The following BTBD17 variants were observed in gnomAD, a reference collection of about 807,000 sequenced individuals.
The protein encoded by BTBD17 is BTB/POZ domain-containing protein 17.
Under a neutral mutation model 36.9 loss-of-function variants are expected in BTBD17, and 26 were observed. The observed-to-expected ratio is 0.70, with a 90% confidence interval of 0.52 to 0.98. The LOEUF (loss-of-function observed/expected upper bound fraction) is 0.98. Among genes scored for constraint, BTBD17 ranks in the 50% least tolerant of loss-of-function variants. The pLI, the probability that BTBD17 is intolerant of heterozygous loss-of-function variation, is 0.00. For missense variants in BTBD17, 630 were observed against 691.3 expected (o/e 0.91, Z 0.99); for synonymous variants, 341 against 338.0 (o/e 1.01, Z -0.10).
intron 2 of BTBD17, among the ~76,000 whole-genome samples, chr17:74,359,567 T>G (rs1342618604): frequency 3.9e-5 from 6 of 152,192 alleles, no homozygotes; most frequent in Non-Finnish European, 7.3e-5. Context: ...TTCTATATTT[T>G]TAGTAGAGAC....
intron 2 of BTBD17, among the ~76,000 whole-genome samples, chr17:74,358,269 T>C (rs962379992): frequency 1.3e-5 from 2 of 152,006 alleles, no homozygotes; most frequent in East Asian, 1.9e-4. Context: ...GATGGGAGGA[T>C]TGCTTGAGGC....
At position 74,359,823 on chromosome 17, in the gene BTBD17, G is replaced by A. The variant is rs2054924188; in HGVS notation, c.362+146C>T. On this transcript the variant is annotated intron_variant, in intron 2 of 2. Coordinates refer to ENST00000375366, the MANE Select transcript of BTBD17 (RefSeq NM_001080466.2). ...ACAGGGAGCTGTACAGTGGAAGAAG[G>A]GATGCAGGGGTCACTGTCATCCCAG... The A allele has an allele frequency of 3.8e-5, 29 of 762,562 alleles. No individual in the cohort carries two copies. The South Asian group carries it at 5.1e-4, about 13-fold the overall frequency. The allele number at this position is 762,562 out of a possible 1,614,324, so 47.2% of individuals were successfully genotyped here.
At position 74,357,258 on chromosome 17, in the gene BTBD17, C is replaced by T; in HGVS notation, c.836G>A (p.Gly279Asp). ...QARSAALARH[G>D]PAVADLLLQA... is the part of the protein sequence containing the mutation. ...CAGCAGGAGGTCGGCCACCGCGGGG[C>T]CGTGGCGCGCCAGGGCTGCCGAGCG... The change falls in exon 3 of 3, where the codon GGC becomes GAC. Residue 279 changes from glycine (G) to aspartate (D), a missense_variant. Coordinates refer to ENST00000375366, the MANE Select transcript of BTBD17 (RefSeq NM_001080466.2). The surrounding 1 kb of genome is among the most constrained non-coding windows in gnomAD (Gnocchi z 8.4). The T allele has an allele frequency of 6.4e-7, 1 of 1,560,804 alleles. No individual in the cohort carries two copies. Among genetic ancestry groups the T allele is most frequent in the Non-Finnish European group, 8.6e-7 (1 of 1,157,398 alleles).
chr17:74,361,397 C>T (rs2054936790), intron 1 of BTBD17, among the ~76,000 whole-genome samples: 2 of 152,128 alleles, frequency 1.3e-5, no homozygotes, highest in Admixed American at 6.5e-5. Context: ...AGAGGGAGGC[C>T]GAGGGACAAA....
chr17:74,358,367 G>T (rs368025675), intron 2 of BTBD17, among the ~76,000 whole-genome samples: 2 of 152,140 alleles, frequency 1.3e-5, no homozygotes, highest in South Asian at 2.1e-4. Flanking sequence ...ATGTGTGGTG[G>T]TGCACGCTTG....
rs748192106 is a variant in BTBD17 at position 74,357,545 on chromosome 17, G to A, written c.549C>T (p.Ala183=). The change falls in exon 3 of 3, where the codon GCC becomes GCT. Residue 183 remains alanine (A), a synonymous_variant. Coordinates refer to ENST00000375366, the MANE Select transcript of BTBD17 (RefSeq NM_001080466.2). The surrounding 1 kb of genome is among the most constrained non-coding windows in gnomAD (Gnocchi z 8.4). Reference sequence around the variant, plus strand: ...GGAACTGCAGGCAGCTCTCGCGCAGGGCCTCGTCCCCGGTGCCCACCGCGT... The same window carrying A: ...GGAACTGCAGGCAGCTCTCGCGCAGAGCCTCGTCCCCGGTGCCCACCGCGT... ...YHYAVGTGDE[A]LRESCLQFLA... 4.5e-6 allele frequency: 7 copies of A among 1,555,270 alleles called. No homozygotes were observed. In the South Asian group the frequency reaches 8.2e-5, roughly 18 times the overall value.
intron 1 of BTBD17, 123 bp from the exon 2 acceptor site, chr17:74,360,368 AGGCG>A (rs1401455869): frequency 9.4e-7 from 1 of 1,067,986 alleles, no homozygotes; most frequent in African/African-American, 1.6e-5. Context: ...AGGTGGGCCT[AGGCG>A]GGTTGTATGT....
Position 74,360,043 on chromosome 17 carries a change from C to T in BTBD17, c.288G>A (p.Glu96=). ...LLGLHSELFL[E]LLSNQSEAVL... is the part of the protein sequence containing the mutation. ...CCGCCTCGCTCTGGTTACTTAGCAG[C>T]TCCAGGAACAGCTCACTGTGCAGTC... Residue 96 remains glutamate, a synonymous_variant, in exon 2 of 3, where the codon GAG becomes GAA. Coordinates refer to ENST00000375366, the MANE Select transcript of BTBD17 (RefSeq NM_001080466.2). 7 of 1,613,064 alleles carry T rather than the reference C, an allele frequency of 4.3e-6. No individual in the cohort carries two copies. Among genetic ancestry groups the T allele is most frequent in the Non-Finnish European group, 5.9e-6 (7 of 1,180,034 alleles).
chr17:74,360,059 C>G lies in BTBD17; in HGVS notation c.272G>C (p.Ser91Thr). The G allele has an allele frequency of 6.2e-7, 1 of 1,613,254 alleles. No homozygotes were observed. Among genetic ancestry groups the G allele is most frequent in the Middle Eastern group, 1.6e-4 (1 of 6,062 alleles). ...ACTTAGCAGCTCCAGGAACAGCTCA[C>G]TGTGCAGTCCCAGCAGCAGGCGGTG... ...HAHRLLLGLH[S>T]ELFLELLSNQ... The change falls in exon 2 of 3, where the codon AGT (serine) becomes ACT (threonine). Residue 91 changes from serine to threonine, a missense_variant. By Grantham distance (58) the Ser-to-Thr change is moderately conservative. Coordinates refer to ENST00000375366, the MANE Select transcript of BTBD17 (RefSeq NM_001080466.2).
upstream of BTBD17, among the ~76,000 whole-genome samples, chr17:74,362,955 A>C (rs1001659129): frequency 3.5e-5 from 3 of 84,762 alleles, no homozygotes; most frequent in South Asian, 1.4e-3. Flanking sequence ...GCTCAGCAAA[A>C]GCGCGCGCGC....
intron 2 of BTBD17, among the ~76,000 whole-genome samples, chr17:74,358,074 T>C (rs566441058): frequency 1.1e-4 from 16 of 152,302 alleles, no homozygotes; most frequent in African/African-American, 3.8e-4. Context: ...GCCTTCTCCT[T>C]GCCATGAGTC....
chr17:74,362,279 GGT>G, upstream of BTBD17, among the ~76,000 whole-genome samples: 1 of 152,072 alleles, frequency 6.6e-6, no homozygotes, highest in Admixed American at 6.5e-5. Context: ...GGAGCACCAT[GGT>G]GAGCCGGCTG....
rs757329047 is a variant in BTBD17 at position 74,359,960 on chromosome 17, C to T, written c.362+9G>A. The T allele has an allele frequency of 2.5e-6, 4 of 1,601,496 alleles. No homozygotes were observed. The highest frequency in any genetic ancestry group is 1.7e-5 in the Admixed American group (1 of 59,816). On this transcript the variant is annotated intron_variant, in intron 2 of 2. Transcript: ENST00000375366. ...GATGAAGCCATCCCCTAGTCTTCCG[C>T]GTCCCCACCTGATGAACTTGTCGAA...
chr17:74,357,808 G>A lies in BTBD17; in HGVS notation c.363-77C>T, dbSNP rs2054909889. On this transcript the variant is annotated intron_variant, in intron 2 of 2. Coordinates refer to ENST00000375366, the MANE Select transcript of BTBD17 (RefSeq NM_001080466.2). This position sits in a 1 kb window ranked among gnomAD's most constrained non-coding sequence, Gnocchi z 8.4. The stretch of plus-strand genomic sequence containing the variant: ...AGGATAGATTTTTTAGAGTCCACAG[G>A]GGACCCGGCCTGGAGTTGGAGCTTC... The A allele has an allele frequency of 8.3e-7, 1 of 1,206,676 alleles. No individual in the cohort carries two copies. Among genetic ancestry groups the A allele is most frequent in the African/African-American group, 1.6e-5 (1 of 64,200 alleles). The allele number at this position is 1,206,676 out of a possible 1,614,324, so 74.7% of individuals were successfully genotyped here.
intron 1 of BTBD17, among the ~76,000 whole-genome samples, chr17:74,361,460 C>A (rs2054937385): frequency 6.6e-6 from 1 of 152,182 alleles, no homozygotes. Flanking sequence ...CCTTCCCCAG[C>A]TGTCACTTTG....
At position 74,357,369 on chromosome 17, in the gene BTBD17, C is replaced by A; in HGVS notation, c.725G>T (p.Arg242Leu). 1 of 1,551,822 alleles carries A rather than the reference C, an allele frequency of 6.4e-7. No homozygotes were observed. Among genetic ancestry groups the A allele is most frequent in the Non-Finnish European group, 8.6e-7 (1 of 1,157,704 alleles). ...CCGCTCGGCCACGGCAGGGGGCGGC[C>A]GCGCGCGACCCAGCCAGGCCTCCAG... is the stretch of plus-strand genomic sequence containing the variant. ...HALEAWLGRA[R>L]PPPAVAERAL... Residue 242 changes from arginine to leucine, a missense_variant, in exon 3 of 3, where the codon CGG becomes CTG. Arg to Leu is a moderately radical substitution (Grantham distance 102). Transcript: ENST00000375366. This position sits in a 1 kb window ranked among gnomAD's most constrained non-coding sequence, Gnocchi z 8.4.
chr17:74,357,103 C>A lies in BTBD17; in HGVS notation c.991G>T (p.Ala331Ser), dbSNP rs947623341. Residue 331 changes from alanine (A) to serine (S), a missense_variant, in exon 3 of 3, where the codon GCC (alanine) becomes TCC (serine). Transcript: ENST00000375366. The surrounding 1 kb of genome is among the most constrained non-coding windows in gnomAD (Gnocchi z 8.4). ...AAGCTGGTGCTGCGGTCGTCGCGGG[C>A]CGGGTTGTTGATGACCCACGGGGCG... ...WGAPWVINNP[A>S]RDDRSTSFQT... 1.3e-6 allele frequency: 2 copies of A among 1,520,182 alleles called. No homozygotes were observed. Among genetic ancestry groups the A allele is most frequent in the Admixed American group, 2.2e-5 (1 of 45,438 alleles). The allele number at this position is 1,520,182 out of a possible 1,614,324, so 94.2% of individuals were successfully genotyped here.
Position 74,357,342 on chromosome 17 carries a change from G to A in BTBD17, c.752C>T (p.Ala251Val), listed in dbSNP as rs752160937. Residue 251 changes from alanine (A) to valine (V), a missense_variant, in exon 3 of 3, where the codon GCG becomes GTG. Coordinates refer to ENST00000375366, the MANE Select transcript of BTBD17 (RefSeq NM_001080466.2). The surrounding 1 kb of genome is among the most constrained non-coding windows in gnomAD (Gnocchi z 8.4). ...ARPPPAVAER[A>V]LRAIRYPMIP... is the part of the protein sequence containing the mutation. Reference sequence around the variant, plus strand: ...CATGGGGTAGCGTATGGCGCGCAGCGCCCGCTCGGCCACGGCAGGGGGCGG... The same window carrying A: ...CATGGGGTAGCGTATGGCGCGCAGCACCCGCTCGGCCACGGCAGGGGGCGG... 1.9e-6 allele frequency: 3 copies of A among 1,550,526 alleles called. No individual in the cohort carries two copies. Among genetic ancestry groups the A allele is most frequent in the Non-Finnish European group, 8.6e-7 (1 of 1,156,248 alleles).
chr17:74,358,868 T>G (rs530430671), intron 2 of BTBD17, among the ~76,000 whole-genome samples: 5 of 152,246 alleles, frequency 3.3e-5, no homozygotes, highest in Non-Finnish European at 7.3e-5. Context: ...TCCCTCATTC[T>G]GGCCTTGGCC....
Sources: allele counts gnomAD v4.1 joint callset (sites outside exome capture counted in the v4.1 genomes callset), GRCh38; gene constraint gnomAD v4.1.1; non-coding constraint Gnocchi (gnomAD v3.1); transcripts MANE v1.5; gene names NCBI Gene and HGNC (gene_info 2026-07-23, HGNC 2026-07-21).